Variants in REEP1 observed in about 807,000 individuals in gnomAD.
REEP1 encodes the protein receptor expression-enhancing protein 1.
Under a neutral mutation model 40.3 loss-of-function variants are expected in REEP1, and 22 were observed. That is an observed-to-expected ratio of 0.55 (90% confidence interval 0.39 to 0.78). The LOEUF is 0.78. Ranked by LOEUF, REEP1 falls within the 30% of genes least tolerant of loss-of-function variation. The pLI is 0.00. For synonymous variants in REEP1, 116 were observed against 139.2 expected (o/e 0.83, Z 1.17); for missense variants, 280 against 361.1 (o/e 0.78, Z 1.82).
At chr2:86,220,187 G>T in intron 7 of REEP1, 66 bp from the exon 8 acceptor site, 2 of 1,118,112 alleles carry the variant, frequency 1.8e-6, no homozygotes, top group Non-Finnish European at 2.3e-6. Context: ...AGTGCAGGGA[G>T]CAGGGAAGGG....
chr2:86,273,161 A>G (rs1476065686), intron 2 of REEP1, among the ~76,000 whole-genome samples: 1 of 149,348 alleles, frequency 6.7e-6, no homozygotes, highest in East Asian at 2.0e-4. Context: ...AAAAATTCTT[A>G]AACCTAAAGC....
At chr2:86,250,326 C>G (rs1018691955) in intron 5 of REEP1, among the ~76,000 whole-genome samples, 4 of 152,192 alleles carry the variant, frequency 2.6e-5, no homozygotes, top group African/African-American at 9.7e-5. Flanking sequence ...CCTCAGGCTT[C>G]AGAGGCAGAA....
At position 86,337,490 on chromosome 2, in the gene REEP1, G is replaced by T; in HGVS notation, c.21C>A (p.Ser7=). 7.7e-7 allele frequency: 1 copy of T among 1,304,604 alleles called. No homozygotes were observed. The highest frequency in any genetic ancestry group is 9.8e-7 in the Non-Finnish European group (1 of 1,018,592). 80.8% of individuals were successfully genotyped at this position (1,304,604 alleles called of 1,614,324 possible). A position where few individuals can be genotyped will look rare whatever the true frequency, so the allele number is the denominator to read the frequency against. MVSWII[S]RLVVLIFGTL... ...AGAAGGCCACTTACACCACCAGCCT[G>T]GAGATGATCCATGACACCATGGCGG... Residue 7 remains serine, a synonymous_variant, in exon 1 of 9, where the codon TCC becomes TCA. Transcript: ENST00000538924. The surrounding 1 kb of genome is among the most constrained non-coding windows in gnomAD (Gnocchi z 5.8).
chr2:86,262,705 A>G (rs1442723017), intron 3 of REEP1, among the ~76,000 whole-genome samples: 1 of 152,216 alleles, frequency 6.6e-6, no homozygotes, highest in Non-Finnish European at 1.5e-5. Context: ...ACTTTCTCTG[A>G]TCACACTTCA....
At chr2:86,270,449 C>CTGGGATTA (rs1223859672) in intron 2 of REEP1, among the ~76,000 whole-genome samples, 8 of 152,280 alleles carry the variant, frequency 5.3e-5, no homozygotes, top group African/African-American at 1.9e-4. Flanking sequence ...ACCCACTTGG[C>CTGGGATTA]CTTCCAAAGT....
chr2:86,326,626 C>T (rs561257270), intron 1 of REEP1, among the ~76,000 whole-genome samples: 58 of 152,142 alleles, frequency 3.8e-4, no homozygotes, highest in South Asian at 3.3e-3. Flanking sequence ...GGAGGAGAAT[C>T]GCCTGAACCC....
chr2:86,314,603 C>T (rs1468332743), intron 1 of REEP1, among the ~76,000 whole-genome samples: 4 of 151,688 alleles, frequency 2.6e-5, no homozygotes, highest in Non-Finnish European at 5.9e-5. Flanking sequence ...GTAGAAGCCA[C>T]AGGAACGGAC....
At chr2:86,248,062 T>C (rs62147562) in intron 5 of REEP1, among the ~76,000 whole-genome samples, 9 of 152,226 alleles carry the variant, frequency 5.9e-5, no homozygotes, top group Non-Finnish European at 1.2e-4. Context: ...AGTTTCCTCC[T>C]AGAAAGTCAC....
chr2:86,327,447 G>T (rs1387218288), intron 1 of REEP1, among the ~76,000 whole-genome samples: 1 of 152,116 alleles, frequency 6.6e-6, no homozygotes, highest in African/African-American at 2.4e-5. Flanking sequence ...GCAAGGTAAG[G>T]TCAGAGCGTG....
At chr2:86,299,497 T>C (rs934219535) in intron 1 of REEP1, among the ~76,000 whole-genome samples, 5 of 152,216 alleles carry the variant, frequency 3.3e-5, no homozygotes, top group African/African-American at 1.2e-4. Context: ...TAAAACCTTT[T>C]CCTGAGCTCC....
At chr2:86,233,206 C>T (rs1442863991) in intron 5 of REEP1, among the ~76,000 whole-genome samples, 1 of 152,190 alleles carries the variant, frequency 6.6e-6, no homozygotes, top group African/African-American at 2.4e-5. Flanking sequence ...CCATTTTTCT[C>T]AGTACATGAG....
chr2:86,228,435 TG>T (rs980298287), intron 6 of REEP1, among the ~76,000 whole-genome samples: 2 of 147,232 alleles, frequency 1.4e-5, no homozygotes, highest in African/African-American at 4.9e-5. Context: ...TGGTCCACAC[TG>T]GTTCATGGGA....
chr2:86,243,366 C>G (rs189382780), intron 5 of REEP1, among the ~76,000 whole-genome samples: 19 of 152,324 alleles, frequency 1.2e-4, no homozygotes, highest in Admixed American at 9.8e-4. Flanking sequence ...TGAGGTCAGG[C>G]AGGCAGGCTT....
chr2:86,230,184 C>T (rs561204487), intron 6 of REEP1, among the ~76,000 whole-genome samples: 2 of 152,346 alleles, frequency 1.3e-5, no homozygotes, highest in South Asian at 4.1e-4. Context: ...AGTGGCAGAG[C>T]CAGTGCCAAA....
chr2:86,286,455 T>C (rs375459541), intron 1 of REEP1, among the ~76,000 whole-genome samples: 103 of 152,330 alleles, frequency 6.8e-4, no homozygotes, highest in African/African-American at 2.4e-3. Flanking sequence ...CCCTAGTTTC[T>C]AGACTAGTGT....
rs757087677 is a variant in REEP1, at chr2:86,252,003, C to T, written c.371G>A (p.Arg124Gln). ...CGCTGTGGCGGCCACGTTCAAGCCC[C>T]GCTTCCCGAAGTGCACAAGGGCATC... ...SYDALVHFGK[R>Q]GLNVAATAAV... Residue 124 changes from arginine to glutamine, a missense_variant, in exon 5 of 9, where the codon CGG (arginine) becomes CAG (glutamine). Around this residue, in one of 3 missense-constraint regions of REEP1, gnomAD observed 201 missense variants for 238.5 expected, o/e 0.84. Transcript: ENST00000538924. 2.1e-5 allele frequency: 34 copies of T among 1,613,964 alleles called. No individual in the cohort carries two copies. The South Asian group carries it at 2.5e-4, about 12-fold the overall frequency.
chr2:86,250,613 C>T (rs1460364676), intron 5 of REEP1, among the ~76,000 whole-genome samples: 2 of 150,352 alleles, frequency 1.3e-5, no homozygotes, highest in Admixed American at 1.3e-4. Flanking sequence ...GGGCAGAGAC[C>T]CCCTGGACCC....
At chr2:86,332,722 C>T (rs905770560) in intron 1 of REEP1, among the ~76,000 whole-genome samples, 1 of 152,214 alleles carries the variant, frequency 6.6e-6, no homozygotes. Flanking sequence ...AGCTACTTCT[C>T]AGCAGACAGG....
intron 4 of REEP1, 98 bp downstream of exon 4, chr2:86,254,596 C>A: frequency 7.4e-7 from 1 of 1,349,074 alleles, no homozygotes; most frequent in Non-Finnish European, 1.0e-6. Context: ...CAAATGAGAG[C>A]CAAATGAGAA....
Sources: allele counts gnomAD v4.1 joint callset (sites outside exome capture counted in the v4.1 genomes callset), GRCh38; gene constraint gnomAD v4.1.1; regional missense constraint gnomAD v4.1.1; non-coding constraint Gnocchi (gnomAD v3.1); transcripts MANE v1.5; gene names NCBI Gene and HGNC (gene_info 2026-07-23, HGNC 2026-07-21).